The following EIF2S1 variants were observed in gnomAD, a reference collection of about 807,000 sequenced individuals.
EIF2S1 encodes eukaryotic translation initiation factor 2 subunit 1.
EIF2S1 carries 5 observed loss-of-function variants against 33.5 expected under a neutral mutation model. The observed-to-expected ratio is 0.15, with a 90% CI of 0.08 to 0.31. The LOEUF is 0.31. Among genes scored for constraint, EIF2S1 ranks in the 10% least tolerant of loss-of-function variants. The pLI is 1.00. For synonymous variants in EIF2S1, 99 were observed against 127.5 expected (o/e 0.78, Z 1.51); for missense variants, 191 against 384.6 (o/e 0.50, Z 4.21).
At position 67,367,959 on chromosome 14, in the gene EIF2S1, T is replaced by C. The variant is rs1414467732; in HGVS notation, c.241+2951T>C. 3.9e-5 allele frequency among the ~76,000 whole-genome samples: 6 copies of C among 152,340 alleles called. No individual in the cohort carries two copies. In the East Asian group the frequency reaches 1.2e-3, roughly 29 times the overall value. On this transcript the variant is annotated intron_variant, in intron 2 of 7. Transcript: ENST00000256383. ...GCCCTTCTTAGTTTCTTTAAAAATA[T>C]ATTTAACTATTTGTCTCATTTGTGC...
At position 67,384,227 on chromosome 14, in the gene EIF2S1, T is replaced by G. The variant is rs1047666483; in HGVS notation, c.*787T>G. The G allele has an allele frequency of 6.6e-6, 1 of 152,222 alleles. No individual in the cohort carries two copies. The highest frequency in any genetic ancestry group is 6.5e-5 in the Admixed American group (1 of 15,280). The allele number at this position is 152,222 out of a possible 1,614,324, so 9.4% of individuals were successfully genotyped here. A position where few individuals can be genotyped will look rare whatever the true frequency, so the allele number is the denominator to read the frequency against. The stretch of plus-strand genomic sequence containing the variant: ...GGGTGGTAAAGTATGTTTTTAAATT[T>G]TAAAAAGCAGCTGCATTTTTTATTT... On this transcript the variant is annotated 3_prime_UTR_variant, in exon 8 of 8. Coordinates refer to ENST00000256383, the MANE Select transcript of EIF2S1 (RefSeq NM_004094.5).
At chr14:67,375,308 T>C (rs1360731210) in intron 3 of EIF2S1, among the ~76,000 whole-genome samples, 1 of 149,584 alleles carries the variant, frequency 6.7e-6, no homozygotes, top group Non-Finnish European at 1.5e-5. Flanking sequence ...CAGACTGGAG[T>C]GTAGTGGCGC....
At chr14:67,374,181 T>C (rs1416787835) in intron 2 of EIF2S1, among the ~76,000 whole-genome samples, 9 of 152,108 alleles carry the variant, frequency 5.9e-5, no homozygotes, top group Non-Finnish European at 1.0e-4. Context: ...TCAAAGGAAA[T>C]GTTCATTGGA....
At chr14:67,369,145 C>G (rs1196493001) in intron 2 of EIF2S1, among the ~76,000 whole-genome samples, 1 of 152,116 alleles carries the variant, frequency 6.6e-6, no homozygotes, top group East Asian at 1.9e-4. Context: ...ATCCTGTCTA[C>G]AAGAGATATA....
intron 7 of EIF2S1, 30 bp from the exon 8 acceptor site, chr14:67,383,285 C>T (rs764350898): frequency 8.1e-6 from 13 of 1,608,218 alleles, no homozygotes; most frequent in South Asian, 1.1e-5. Flanking sequence ...TTTACTACTT[C>T]AGTTTGAAAT....
rs1445331462 is a variant in EIF2S1, at chr14:67,386,263, A to G, written c.*2823A>G. 2 of 152,690 alleles carry G rather than the reference A, an allele frequency of 1.3e-5. No individual in the cohort carries two copies. The highest frequency in any genetic ancestry group is 2.9e-5 in the Non-Finnish European group (2 of 68,044). 9.5% of individuals were successfully genotyped at this position (152,690 alleles called of 1,614,324 possible). On this transcript the variant is annotated 3_prime_UTR_variant, in exon 8 of 8. Transcript: ENST00000256383. ...CTCTTACCATATAAGGAATAAGTAA[A>G]ACATTAGCTTGTGATTTCTCATTAT...
intron 2 of EIF2S1, among the ~76,000 whole-genome samples, chr14:67,367,760 C>T (rs2085789550): frequency 6.6e-6 from 1 of 151,668 alleles, no homozygotes; most frequent in Admixed American, 6.6e-5. Context: ...GGTTTGAGCC[C>T]AGGAGGCGGA....
At position 67,364,960 on chromosome 14, in the gene EIF2S1, A is replaced by G; in HGVS notation, c.193A>G (p.Ile65Val). The change falls in exon 2 of 8, where the codon ATT (isoleucine) becomes GTT (valine). Residue 65 changes from isoleucine to valine, a missense_variant. Ile to Val is a conservative substitution (Grantham distance 29). Transcript: ENST00000256383. ...CCGTTCTATCAACAAACTCATCCGA[A>G]TTGGCAGGAATGAGTGTGTGGTTGT... Reference protein sequence around the residue: ...RIRSINKLIRIGRNECVVVIR... With the variant: ...RIRSINKLIRVGRNECVVVIR... 1 of 1,614,010 alleles carries G rather than the reference A, an allele frequency of 6.2e-7. No individual in the cohort carries two copies. The highest frequency in any genetic ancestry group is 8.5e-7 in the Non-Finnish European group (1 of 1,179,948).
intron 2 of EIF2S1, among the ~76,000 whole-genome samples, chr14:67,365,294 G>C (rs1018889008): frequency 1.3e-5 from 2 of 152,182 alleles, no homozygotes; most frequent in South Asian, 2.1e-4. Context: ...ACCAAACTTA[G>C]AGACAGGTAA....
chr14:67,363,226 C>T (rs1182911726), intron 1 of EIF2S1, among the ~76,000 whole-genome samples: 1 of 151,808 alleles, frequency 6.6e-6, no homozygotes, highest in Non-Finnish European at 1.5e-5. Context: ...TCGAAAAGCC[C>T]TGTTTAAAAA....
Position 67,383,478 on chromosome 14 carries a change from GC to G in EIF2S1, c.*39del, listed in dbSNP as rs762585301. On this transcript the variant is annotated 3_prime_UTR_variant, in exon 8 of 8. Coordinates refer to ENST00000256383, the MANE Select transcript of EIF2S1 (RefSeq NM_004094.5). ...CAGAGTCCAATTTAAGGAACACAGA[GC>G]AGCGCTTCCTGGCTGTAAATCCTAG... 2.5e-6 allele frequency: 4 copies of G among 1,608,858 alleles called. No individual in the cohort carries two copies. The highest frequency in any genetic ancestry group is 2.5e-6 in the Non-Finnish European group (3 of 1,176,622).
At chr14:67,371,669 C>A (rs1234760572) in intron 2 of EIF2S1, among the ~76,000 whole-genome samples, 1 of 151,984 alleles carries the variant, frequency 6.6e-6, no homozygotes, top group Non-Finnish European at 1.5e-5. Context: ...ATTTGTGTAC[C>A]TAAACACAGA....
At chr14:67,380,436 T>A (rs1167118225) in intron 4 of EIF2S1, among the ~76,000 whole-genome samples, 1 of 152,228 alleles carries the variant, frequency 6.6e-6, no homozygotes, top group African/African-American at 2.4e-5. Flanking sequence ...ATTAAATTGC[T>A]TGTTTTAGTC....
intron 3 of EIF2S1, among the ~76,000 whole-genome samples, chr14:67,374,869 G>A (rs992065128): frequency 2.0e-5 from 3 of 152,176 alleles, no homozygotes; most frequent in Non-Finnish European, 4.4e-5. Flanking sequence ...CCTCCAAAGT[G>A]CTGGGATTAC....
At chr14:67,372,872 A>G (rs1186514879) in intron 2 of EIF2S1, among the ~76,000 whole-genome samples, 1 of 152,124 alleles carries the variant, frequency 6.6e-6, no homozygotes, top group Non-Finnish European at 1.5e-5. Context: ...TATCTAAACC[A>G]TCAATTTTTA....
At chr14:67,379,944 G>A (rs1162091935) in intron 4 of EIF2S1, among the ~76,000 whole-genome samples, 1 of 151,968 alleles carries the variant, frequency 6.6e-6, no homozygotes, top group African/African-American at 2.4e-5. Context: ...TAATAGAGAT[G>A]GAGGTCTTGC....
intron 4 of EIF2S1, among the ~76,000 whole-genome samples, 167 bp from the exon 5 acceptor site, chr14:67,380,492 G>A (rs1292630232): frequency 1.3e-5 from 2 of 152,154 alleles, no homozygotes; most frequent in Non-Finnish European, 2.9e-5. Flanking sequence ...TGGGGTGTAA[G>A]TGCAAAGCTA....
intron 4 of EIF2S1, among the ~76,000 whole-genome samples, chr14:67,379,654 C>CTTTTTCTTT (rs1208544946): frequency 8.3e-6 from 1 of 119,952 alleles, no homozygotes; most frequent in African/African-American, 3.6e-5. Flanking sequence ...TTTTCTTTTT[C>CTTTTTCTTT]TTTTTTTTTT....
chr14:67,373,462 A>G (rs1032570566), intron 2 of EIF2S1, among the ~76,000 whole-genome samples: 10 of 152,228 alleles, frequency 6.6e-5, no homozygotes, highest in African/African-American at 2.2e-4. Flanking sequence ...CCCATTCATA[A>G]TAAGTCAGCA....
Sources: allele counts gnomAD v4.1 joint callset (sites outside exome capture counted in the v4.1 genomes callset), GRCh38; gene constraint gnomAD v4.1.1; transcripts MANE v1.5; gene names NCBI Gene and HGNC (gene_info 2026-07-23, HGNC 2026-07-21).